HDAC9: variants seen among roughly 807,000 people sequenced by gnomAD.
The protein encoded by HDAC9 is histone deacetylase 9.
HDAC9 carries 41 observed loss-of-function variants against 139.4 expected under a neutral mutation model. The observed-to-expected ratio is 0.29, with a 90% CI of 0.23 to 0.38. The LOEUF is 0.38. HDAC9 is among the 10% of genes least tolerant of loss of function. HDAC9 has a pLI of 1.00. For missense variants in HDAC9, 1,147 were observed against 1,297.0 expected (o/e 0.88, Z 1.78); for synonymous variants, 517 against 476.2 (o/e 1.09, Z -1.12).
intron 22 of HDAC9, among the ~76,000 whole-genome samples, chr7:18,901,810 C>T (rs537099933): frequency 6.6e-6 from 1 of 152,250 alleles, no homozygotes; most frequent in South Asian, 2.1e-4. Context: ...TAAATGTTCA[C>T]ATCTGCATAT....
At chr7:18,749,259 A>G (rs1788242088) in intron 14 of HDAC9, 121 bp downstream of exon 14, 1 of 1,032,298 alleles carries the variant, frequency 9.7e-7, no homozygotes, top group African/African-American at 1.6e-5. Flanking sequence ...TGATTGATGA[A>G]CCATCATAGA....
chr7:18,842,745 G>C (rs1796666758), intron 21 of HDAC9, among the ~76,000 whole-genome samples: 1 of 151,976 alleles, frequency 6.6e-6, no homozygotes, highest in Non-Finnish European at 1.5e-5. Flanking sequence ...CAATTTCTAG[G>C]TGTGTGTCTC....
At chr7:18,863,874 C>T (rs1585178647) in intron 21 of HDAC9, among the ~76,000 whole-genome samples, 1 of 152,132 alleles carries the variant, frequency 6.6e-6, no homozygotes, top group East Asian at 1.9e-4. Context: ...ATCATTCAGG[C>T]GAAGGGAACA....
intron 2 of HDAC9, among the ~76,000 whole-genome samples, chr7:18,185,300 C>T (rs1323642704): frequency 1.3e-5 from 2 of 152,206 alleles, no homozygotes; most frequent in Non-Finnish European, 2.9e-5. Context: ...ACCACCACCT[C>T]AATGATACTG....
chr7:18,096,533 G>T (rs1584014759), intron 1 of HDAC9, among the ~76,000 whole-genome samples: 2 of 152,098 alleles, frequency 1.3e-5, no homozygotes, highest in East Asian at 3.9e-4. Flanking sequence ...CAAGCTCATG[G>T]ACCTCAGTTT....
chr7:18,672,683 T>C (rs1201905090), intron 12 of HDAC9, among the ~76,000 whole-genome samples: 2 of 152,072 alleles, frequency 1.3e-5, no homozygotes, highest in African/African-American at 4.8e-5. Context: ...TTCATTAATA[T>C]AAATTTAGCA....
chr7:18,591,575 G>A lies in HDAC9; in HGVS notation c.475G>A (p.Ala159Thr), dbSNP rs759441450. 22 of 1,612,980 alleles carry A rather than the reference G, an allele frequency of 1.4e-5. No individual in the cohort carries two copies. Among genetic ancestry groups the A allele is most frequent in the Non-Finnish European group, 1.7e-5 (20 of 1,179,676 alleles). Reference protein sequence around the residue: ...KLQEFLLSKSATKDTPTNGKN... With the variant: ...KLQEFLLSKSTTKDTPTNGKN... ...TCAAGAGTTCCTACTGAGTAAATCA[G>A]CAACGAAAGACACTCCAACTAATGG... The change falls in exon 5 of 26, where the codon GCA becomes ACA. Residue 159 changes from alanine (A) to threonine (T), a missense_variant. This residue lies in a region of HDAC9 where 136 missense variants were observed against 183.5 expected (regional missense o/e 0.74). Coordinates refer to ENST00000686413, the MANE Select transcript of HDAC9 (RefSeq NM_178425.4).
At chr7:18,639,656 A>G (rs1460639955) in intron 8 of HDAC9, among the ~76,000 whole-genome samples, 1 of 152,062 alleles carries the variant, frequency 6.6e-6, no homozygotes, top group Non-Finnish European at 1.5e-5. Context: ...GAAAAATCCC[A>G]TGAAAACCAT....
intron 2 of HDAC9, among the ~76,000 whole-genome samples, chr7:18,581,398 C>T (rs1309414265): frequency 6.6e-6 from 1 of 152,072 alleles, no homozygotes; most frequent in Non-Finnish European, 1.5e-5. Context: ...CAGTTAGACG[C>T]AATCATTTCT....
At chr7:18,298,666 G>T (rs1404293391) in intron 1 of HDAC9, among the ~76,000 whole-genome samples, 1 of 152,104 alleles carries the variant, frequency 6.6e-6, no homozygotes, top group Admixed American at 6.6e-5. Flanking sequence ...TCCAGTCAAT[G>T]AACTTTCTTT....
intron 1 of HDAC9, among the ~76,000 whole-genome samples, chr7:18,109,703 T>G (rs1353361187): frequency 3.9e-5 from 6 of 152,216 alleles, no homozygotes; most frequent in African/African-American, 1.4e-4. Context: ...GGACATTCTT[T>G]GTAAAATGTG....
chr7:18,269,727 C>CAT (rs909434439), intron 2 of HDAC9, among the ~76,000 whole-genome samples: 52 of 152,018 alleles, frequency 3.4e-4, no homozygotes, highest in African/African-American at 1.1e-3. Flanking sequence ...GTCTAATACA[C>CAT]ATATATATAC....
At chr7:18,604,030 T>C (rs1024234434) in intron 6 of HDAC9, among the ~76,000 whole-genome samples, 1 of 152,110 alleles carries the variant, frequency 6.6e-6, no homozygotes, top group Admixed American at 6.5e-5. Context: ...TTTTTTTCTA[T>C]GGTTTCTTTG....
At chr7:18,751,687 T>A (rs1788461613) in intron 14 of HDAC9, among the ~76,000 whole-genome samples, 1 of 152,136 alleles carries the variant, frequency 6.6e-6, no homozygotes, top group Admixed American at 6.6e-5. Context: ...TCTGCCCATG[T>A]GTGAATGATA....
At chr7:18,568,997 A>C (rs778315020) in intron 2 of HDAC9, among the ~76,000 whole-genome samples, 11 of 152,188 alleles carry the variant, frequency 7.2e-5, no homozygotes, top group Non-Finnish European at 1.5e-4. Flanking sequence ...CAATGAGCCG[A>C]GATCACGCCA....
intron 11 of HDAC9, among the ~76,000 whole-genome samples, chr7:18,656,844 T>C (rs533682757): frequency 6.6e-6 from 1 of 152,266 alleles, no homozygotes; most frequent in Admixed American, 6.5e-5. Flanking sequence ...TATTTTTAGT[T>C]TCTTGAGGAA....
chr7:18,587,620 A>G (rs1416331386), intron 3 of HDAC9, among the ~76,000 whole-genome samples: 1 of 152,148 alleles, frequency 6.6e-6, no homozygotes, highest in South Asian at 2.1e-4. Flanking sequence ...CTGTTATTCC[A>G]TTTTTCCACC....
At chr7:18,736,813 C>G (rs1786954570) in intron 13 of HDAC9, among the ~76,000 whole-genome samples, 2 of 152,180 alleles carry the variant, frequency 1.3e-5, no homozygotes, top group Admixed American at 1.3e-4. Flanking sequence ...GGAATGGTAT[C>G]AGCTCCTCTT....
chr7:18,680,449 A>G (rs1781816103), intron 12 of HDAC9, among the ~76,000 whole-genome samples: 1 of 152,012 alleles, frequency 6.6e-6, no homozygotes, highest in African/African-American at 2.4e-5. Context: ...AGTTAGTGTT[A>G]GTGAACCTTG....
Sources: gnomAD v4.1 joint callset for allele counts (sites outside exome capture counted in the v4.1 genomes callset) on GRCh38, gnomAD v4.1.1 for gene constraint, gnomAD v4.1.1 regional missense constraint, MANE v1.5 for transcripts, NCBI Gene and HGNC (gene_info 2026-07-23, HGNC 2026-07-21) for gene names.